TBCD: variants seen among roughly 807,000 people sequenced by gnomAD.
TBCD encodes tubulin-specific chaperone D.
TBCD carries 105 observed loss-of-function variants against 169.3 expected under a neutral mutation model. That is an observed-to-expected ratio of 0.62 (90% CI 0.53 to 0.73). The LOEUF (loss-of-function observed/expected upper bound fraction) is 0.73, where lower values mean the gene tolerates loss of function less well. Among genes scored for constraint, TBCD ranks in the 30% least tolerant of loss-of-function variants. TBCD has a pLI of 0.00. For synonymous variants in TBCD, 700 were observed against 643.9 expected (o/e 1.09, Z -1.32); for missense variants, 1,444 against 1,600.1 (o/e 0.90, Z 1.66).
In TBCD at chr17:82,891,928, T is replaced by A. The variant is rs371478763; in HGVS notation, c.1564-1619T>A. 3.4e-4 allele frequency among the ~76,000 whole-genome samples: 52 copies of A among 152,282 alleles called. No homozygotes were observed. The East Asian group carries it at 8.9e-3, about 26-fold the overall frequency. ...ATGGGCAGCTTCCACGTTCAGGGCC[T>A]GTCCGACATTCCAGCCCTATGACCC... On this transcript the variant is annotated intron_variant, in intron 16 of 38. Coordinates refer to ENST00000355528, the MANE Select transcript of TBCD (RefSeq NM_005993.5).
At chr17:82,775,816 C>T (rs2048561121) in intron 6 of TBCD, among the ~76,000 whole-genome samples, 1 of 151,736 alleles carries the variant, frequency 6.6e-6, no homozygotes, top group Non-Finnish European at 1.5e-5. Flanking sequence ...GGGTGCAGCA[C>T]ACCAGCATGG....
chr17:82,918,211 G>A (rs2061189903), intron 23 of TBCD: 2 of 152,386 alleles, frequency 1.3e-5, no homozygotes, highest in African/African-American at 4.8e-5. Context: ...GGCTTCATGT[G>A]TGTGTGGAGT....
chr17:82,838,803 T>G (rs2054203978), intron 13 of TBCD: 1 of 985,418 alleles, frequency 1.0e-6, no homozygotes, highest in Non-Finnish European at 1.2e-6. Context: ...AACTCTAGTT[T>G]CGGCAGGAGA....
chr17:82,832,605 G>C lies in TBCD; in HGVS notation c.1318+17671G>C. 1.4e-6 allele frequency: 1 copy of C among 720,922 alleles called. No homozygotes were observed. The highest frequency in any genetic ancestry group is 2.4e-6 in the Non-Finnish European group (1 of 419,548). The allele number at this position is 720,922 out of a possible 1,614,324, so 44.7% of individuals were successfully genotyped here. A position where few individuals can be genotyped will look rare whatever the true frequency, so the allele number is the denominator to read the frequency against. ...AGCCAGCTCTGCGTGCTGAGGGTCT[G>C]GCGAGAGCCTCCGTCATCTGGCGGC... On this transcript the variant is annotated intron_variant, in intron 13 of 38. Transcript: ENST00000355528. This position sits in a 1 kb window ranked among gnomAD's most constrained non-coding sequence, Gnocchi z 4.9.
intron 14 of TBCD, among the ~76,000 whole-genome samples, chr17:82,879,551 C>T (rs2058213435): frequency 1.3e-5 from 2 of 152,222 alleles, no homozygotes; most frequent in African/African-American, 4.8e-5. Context: ...TGCTGCTGGT[C>T]TGGGATGCAG....
chr17:82,930,079 G>C lies in TBCD; in HGVS notation c.2992-443G>C. The stretch of plus-strand genomic sequence containing the variant: ...GGTGCCCTCTGCGCCGTGTGGGCGC[G>C]TGCGGGGAGACCCGGGCCCCAGGAC... On this transcript the variant is annotated intron_variant, in intron 32 of 38. Coordinates refer to ENST00000355528, the MANE Select transcript of TBCD (RefSeq NM_005993.5). This position sits in a 1 kb window ranked among gnomAD's most constrained non-coding sequence, Gnocchi z 5.2. The C allele has an allele frequency of 7.9e-6, 2 of 254,096 alleles. No individual in the cohort carries two copies. The highest frequency in any genetic ancestry group is 1.5e-5 in the Non-Finnish European group (2 of 129,814). 15.7% of individuals were successfully genotyped at this position (254,096 alleles called of 1,614,324 possible).
intron 13 of TBCD, among the ~76,000 whole-genome samples, chr17:82,862,891 G>A (rs2056886185): frequency 6.6e-6 from 1 of 152,214 alleles, no homozygotes; most frequent in Non-Finnish European, 1.5e-5. Context: ...CGCGTCCGAG[G>A]TGGCTGCCGG....
At chr17:82,756,336 T>TGCCAAGA in intron 2 of TBCD, 121 bp downstream of exon 2, 1 of 1,058,536 alleles carries the variant, frequency 9.4e-7, no homozygotes, top group South Asian at 1.4e-5. Flanking sequence ...TGTCCCTGTC[T>TGCCAAGA]TGCTTGCCTG....
intron 21 of TBCD, among the ~76,000 whole-genome samples, chr17:82,909,061 G>A (rs1480778677): frequency 6.6e-6 from 1 of 152,176 alleles, no homozygotes; most frequent in Admixed American, 6.5e-5. Flanking sequence ...CCCTCTCTCT[G>A]TGCCTCAGTT....
At chr17:82,767,827 C>T (rs375460598) in intron 4 of TBCD, among the ~76,000 whole-genome samples, 11 of 152,158 alleles carry the variant, frequency 7.2e-5, no homozygotes, top group Admixed American at 2.0e-4. Flanking sequence ...TGGTGGCAAA[C>T]GCCTGTAGTC....
At chr17:82,857,748 T>G (rs796753433) in intron 13 of TBCD, among the ~76,000 whole-genome samples, 2 of 147,194 alleles carry the variant, frequency 1.4e-5, no homozygotes, top group African/African-American at 5.0e-5. Flanking sequence ...GTCTCATGGT[T>G]TTTTTTTTTT....
chr17:82,836,934 C>T (rs1364031801), intron 13 of TBCD, among the ~76,000 whole-genome samples: 2 of 152,082 alleles, frequency 1.3e-5, no homozygotes, highest in Non-Finnish European at 2.9e-5. Flanking sequence ...GAGGAAGCCC[C>T]TGGTGGTGAG....
At position 82,802,449 on chromosome 17, in the gene TBCD, T is replaced by C. The variant is rs572537519; in HGVS notation, c.950+1453T>C. Among the ~76,000 whole-genome samples, 475 of 152,256 alleles carry C rather than the reference T, an allele frequency of 3.1e-3. 3 individuals are homozygous for C. Among genetic ancestry groups the C allele is most frequent in the African/African-American group, 0.011 (451 of 41,548 alleles). ...TTCGTGGCTAGTTTCTCAAAGCTGCTGTGGGGAATGTTCAGTGCTGTACCA... is the reference window on the plus strand; with the variant it reads ...TTCGTGGCTAGTTTCTCAAAGCTGCCGTGGGGAATGTTCAGTGCTGTACCA... On this transcript the variant is annotated intron_variant, in intron 9 of 38. Coordinates refer to ENST00000355528, the MANE Select transcript of TBCD (RefSeq NM_005993.5).
intron 10 of TBCD, among the ~76,000 whole-genome samples, chr17:82,807,308 C>T (rs1160952343): frequency 1.3e-5 from 2 of 152,210 alleles, no homozygotes; most frequent in Non-Finnish European, 1.5e-5. Flanking sequence ...GGGCTCTTCC[C>T]CTGGCCTGGG....
intron 1 of TBCD, among the ~76,000 whole-genome samples, chr17:82,753,873 T>G (rs1436960589): frequency 2.7e-5 from 4 of 150,632 alleles, no homozygotes; most frequent in African/African-American, 9.8e-5. Flanking sequence ...TAGAGGTTTT[T>G]TTTTTTTTTT....
At chr17:82,783,204 C>T (rs1166190207) in intron 7 of TBCD, among the ~76,000 whole-genome samples, 1 of 152,146 alleles carries the variant, frequency 6.6e-6, no homozygotes, top group African/African-American at 2.4e-5. Flanking sequence ...CTGCCGTGGT[C>T]TTCAGGAGGG....
Position 82,921,481 on chromosome 17 carries a change from C to G in TBCD, c.2102-20C>G, listed in dbSNP as rs1363927336. ...TGGTGTTTTTGATTGCCTGGGTACGCTAACTTGATTTTTTGACAGATGGTT... is the reference window on the plus strand; with the variant it reads ...TGGTGTTTTTGATTGCCTGGGTACGGTAACTTGATTTTTTGACAGATGGTT... On this transcript the variant is annotated intron_variant, in intron 24 of 38. Transcript: ENST00000355528. 4.3e-6 allele frequency: 7 copies of G among 1,612,394 alleles called. No individual in the cohort carries two copies. Among genetic ancestry groups the G allele is most frequent in the Non-Finnish European group, 5.9e-6 (7 of 1,178,426 alleles).
intron 13 of TBCD, among the ~76,000 whole-genome samples, chr17:82,867,645 G>A (rs1201253623): frequency 6.6e-6 from 1 of 152,224 alleles, no homozygotes; most frequent in Non-Finnish European, 1.5e-5. Context: ...GGTTTAGTTC[G>A]GATCGAGGTA....
At chr17:82,868,179 G>A (rs914823639) in intron 13 of TBCD, among the ~76,000 whole-genome samples, 1 of 152,162 alleles carries the variant, frequency 6.6e-6, no homozygotes, top group Non-Finnish European at 1.5e-5. Flanking sequence ...AGGAGGAGCC[G>A]GCCCTGAGCT....
Sources: gnomAD v4.1 joint callset for allele counts (sites outside exome capture counted in the v4.1 genomes callset) on GRCh38, gnomAD v4.1.1 for gene constraint, Gnocchi (gnomAD v3.1) non-coding constraint, MANE v1.5 for transcripts, NCBI Gene and HGNC (gene_info 2026-07-23, HGNC 2026-07-21) for gene names.